The following GOT2 variants were observed in gnomAD, a reference collection of about 807,000 sequenced individuals.
GOT2 encodes the protein glutamic-oxaloacetic transaminase 2.
A neutral mutation model predicts 50.0 loss-of-function variants in GOT2; 17 were observed. The ratio of observed to expected loss-of-function variants is 0.34; its 90% confidence interval spans 0.23 to 0.51. GOT2 has a LOEUF of 0.51. Ranked by LOEUF, GOT2 falls within the 20% of genes least tolerant of loss-of-function variation. The pLI is 0.97. For synonymous variants in GOT2, 172 were observed against 204.9 expected (o/e 0.84, Z 1.37); for missense variants, 430 against 559.6 (o/e 0.77, Z 2.34).
chr16:58,718,499 CCT>C (rs763473724), intron 5 of GOT2, 26 bp downstream of exon 5: 4 of 1,548,450 alleles, frequency 2.6e-6, no homozygotes, highest in Non-Finnish European at 3.5e-6. Flanking sequence ...GTTTTATTCA[CCT>C]CTCTCACCCT....
intron 1 of GOT2, among the ~76,000 whole-genome samples, chr16:58,726,892 G>A (rs1055447982): frequency 3.3e-5 from 5 of 151,520 alleles, no homozygotes; most frequent in Non-Finnish European, 5.9e-5. Flanking sequence ...AGTGGCTCAC[G>A]CCTGCAATCC....
At chr16:58,713,553 T>C (rs1057288227) in intron 8 of GOT2, among the ~76,000 whole-genome samples, 1 of 152,184 alleles carries the variant, frequency 6.6e-6, no homozygotes, top group African/African-American at 2.4e-5. Flanking sequence ...TCTTAGTATT[T>C]ACTTTAATCT....
At chr16:58,730,581 T>C (rs368826182) in intron 1 of GOT2, among the ~76,000 whole-genome samples, 7 of 152,154 alleles carry the variant, frequency 4.6e-5, no homozygotes, top group African/African-American at 1.7e-4. Context: ...CCCAGGTTGG[T>C]CTCCAACTCT....
Position 58,722,261 on chromosome 16 carries a change from G to A in GOT2, c.264C>T (p.Ala88=), listed in dbSNP as rs141424983. Residue 88 remains alanine (A), a synonymous_variant, in exon 3 of 10, where the codon GCC becomes GCT. Coordinates refer to ENST00000245206, the MANE Select transcript of GOT2 (RefSeq NM_002080.4). ...PSVRKAEAQI[A]AKNLDKEYLP... ...GGTATTCCTTGTCCAAATTTTTTGC[G>A]GCAATCTGGGCCTCTGCCTAGACAA... 200 of 1,613,548 alleles carry A rather than the reference G, an allele frequency of 1.2e-4. No homozygotes were observed. The highest frequency in any genetic ancestry group is 3.4e-4 in the Middle Eastern group (2 of 5,800).
chr16:58,731,835 G>A (rs1032545269), intron 1 of GOT2, among the ~76,000 whole-genome samples: 17 of 152,138 alleles, frequency 1.1e-4, no homozygotes, highest in African/African-American at 4.1e-4. Context: ...TAGAAATGTC[G>A]ATGAATTCAG....
intron 1 of GOT2, among the ~76,000 whole-genome samples, chr16:58,726,928 C>T (rs2044790452): frequency 6.6e-6 from 1 of 151,738 alleles, no homozygotes; most frequent in African/African-American, 2.4e-5. Flanking sequence ...CCGAAGTAGG[C>T]GGATCACCTG....
At chr16:58,714,798 T>C (rs543348112) in intron 8 of GOT2, among the ~76,000 whole-genome samples, 1 of 152,216 alleles carries the variant, frequency 6.6e-6, no homozygotes, top group African/African-American at 2.4e-5. Flanking sequence ...TTCAGTTATA[T>C]ACACATATAA....
In GOT2 at chr16:58,718,247, C is replaced by T. The variant is rs181076765; in HGVS notation, c.651G>A (p.Thr217=). ...LLLHACAHNP[T]GVDPRPEQWK... Reference sequence around the variant, plus strand: ...ACTGTTCCGGACGCGGGTCCACTCCCGTGGGATTGTGGGCGCAGGCATGCA... The same window carrying T: ...ACTGTTCCGGACGCGGGTCCACTCCTGTGGGATTGTGGGCGCAGGCATGCA... Residue 217 remains threonine, a synonymous_variant, in exon 6 of 10, where the codon ACG becomes ACA. Transcript: ENST00000245206. 2.7e-5 allele frequency: 43 copies of T among 1,614,112 alleles called. No homozygotes were observed. Among genetic ancestry groups the T allele is most frequent in the East Asian group, 2.0e-4 (9 of 44,876 alleles).
intron 6 of GOT2, among the ~76,000 whole-genome samples, chr16:58,717,971 G>A (rs964327717): frequency 2.0e-5 from 3 of 152,252 alleles, no homozygotes; most frequent in Non-Finnish European, 4.4e-5. Context: ...ACAGGCGTGA[G>A]CCACCGCGCC....
chr16:58,730,348 A>G (rs905425965), intron 1 of GOT2, among the ~76,000 whole-genome samples: 1 of 151,854 alleles, frequency 6.6e-6, no homozygotes, highest in Non-Finnish European at 1.5e-5. Flanking sequence ...CTCTACCCTC[A>G]GGTAGGCTCC....
At chr16:58,712,028 C>T (rs892279725) in intron 8 of GOT2, among the ~76,000 whole-genome samples, 4 of 152,046 alleles carry the variant, frequency 2.6e-5, no homozygotes, top group East Asian at 1.9e-4. Context: ...GCACGTCCCA[C>T]GCCTATGCCC....
At chr16:58,730,977 C>A (rs992790423) in intron 1 of GOT2, among the ~76,000 whole-genome samples, 2 of 152,164 alleles carry the variant, frequency 1.3e-5, no homozygotes, top group East Asian at 1.9e-4. Context: ...CCTTTCCAAT[C>A]GAAACGCATT....
intron 1 of GOT2, among the ~76,000 whole-genome samples, chr16:58,732,298 T>G (rs115203907): frequency 1.3e-4 from 19 of 151,970 alleles, no homozygotes; most frequent in African/African-American, 4.6e-4. Flanking sequence ...AGTGAGACCC[T>G]GTATTTAAAG....
chr16:58,712,847 C>T (rs896794007), intron 8 of GOT2, among the ~76,000 whole-genome samples: 5 of 152,204 alleles, frequency 3.3e-5, no homozygotes, highest in East Asian at 1.9e-4. Context: ...CAGTGGTTCA[C>T]GCCTGTAATC....
At chr16:58,712,525 C>CAAG (rs772745590) in intron 8 of GOT2, among the ~76,000 whole-genome samples, 3 of 151,556 alleles carry the variant, frequency 2.0e-5, no homozygotes, top group Non-Finnish European at 4.4e-5. Flanking sequence ...ACAACAAGAA[C>CAAG]AACAACAACA....
intron 8 of GOT2, among the ~76,000 whole-genome samples, chr16:58,711,514 G>A (rs927695032): frequency 1.3e-5 from 2 of 152,100 alleles, no homozygotes; most frequent in Non-Finnish European, 2.9e-5. Flanking sequence ...ATGATGTTAT[G>A]CACGGTTAGA....
rs776185664 is a variant in GOT2 at position 58,709,581 on chromosome 16, C to T, written c.1020-14G>A. ...ACTTCTTGCAGCCTGTAAAGAAACC[C>T]TGAGATGCAGCTCATTCTGCCTAAG... On this transcript the variant is annotated splice_polypyrimidine_tract_variant and intron_variant, in intron 8 of 9. Coordinates refer to ENST00000245206, the MANE Select transcript of GOT2 (RefSeq NM_002080.4). 1.2e-5 allele frequency: 19 copies of T among 1,603,524 alleles called. 1 individual carries two copies. The South Asian group carries it at 1.2e-4, about 10-fold the overall frequency.
intron 1 of GOT2, among the ~76,000 whole-genome samples, chr16:58,729,671 T>A (rs1036065363): frequency 6.6e-6 from 1 of 152,096 alleles, no homozygotes; most frequent in Non-Finnish European, 1.5e-5. Context: ...ATGTTAAGCA[T>A]AGAAACTCAG....
chr16:58,711,052 A>C (rs74956761), intron 8 of GOT2, among the ~76,000 whole-genome samples: 4,770 of 151,954 alleles, frequency 0.031, 333 homozygotes, highest in East Asian at 0.29. Flanking sequence ...GTTAAACAAA[A>C]AAAAAAAATG....
Sources: allele counts gnomAD v4.1 joint callset (sites outside exome capture counted in the v4.1 genomes callset), GRCh38; gene constraint gnomAD v4.1.1; transcripts MANE v1.5; gene names NCBI Gene and HGNC (gene_info 2026-07-23, HGNC 2026-07-21).